PRIM2: variants seen among roughly 807,000 people sequenced by gnomAD.
The protein encoded by PRIM2 is DNA primase subunit 2, also known as DNA primase large subunit.
PRIM2 carries 39 observed loss-of-function variants against 67.3 expected under a neutral mutation model. The observed-to-expected ratio is 0.58, with a 90% CI of 0.45 to 0.76. PRIM2 has a LOEUF of 0.76. Ranked by LOEUF, PRIM2 falls within the 30% of genes least tolerant of loss-of-function variation. The pLI is 0.00. For synonymous variants in PRIM2, 143 were observed against 198.7 expected (o/e 0.72, Z 2.36); for missense variants, 398 against 598.7 (o/e 0.66, Z 3.50).
chr6:57,627,482 G>A (rs1396217417), intron 12 of PRIM2, among the ~76,000 whole-genome samples: 2 of 150,646 alleles, frequency 1.3e-5, no homozygotes, highest in East Asian at 2.0e-4. Flanking sequence ...TCCACATCCC[G>A]GGTTCAAGCG....
rs1773251466 is a variant in PRIM2, at chr6:57,468,237, C to T, written c.694-39150C>T. Among the ~76,000 whole-genome samples the T allele has an allele frequency of 3.3e-5, 5 of 152,314 alleles. No individual in the cohort carries two copies. In the East Asian group the frequency reaches 5.8e-4, roughly 18 times the overall value. On this transcript the variant is annotated intron_variant, in intron 7 of 13. Coordinates refer to ENST00000615550, the MANE Select transcript of PRIM2 (RefSeq NM_000947.5). Reference sequence around the variant, plus strand: ...TCAAAAGGAATGCTTCCAGTTTTTGCCCATTCCGTATGATATTGGCTGTGG... The same window carrying T: ...TCAAAAGGAATGCTTCCAGTTTTTGTCCATTCCGTATGATATTGGCTGTGG...
At chr6:57,532,637 A>T (rs1370411640) in intron 9 of PRIM2, among the ~76,000 whole-genome samples, 154 bp downstream of exon 9, 13 of 151,690 alleles carry the variant, frequency 8.6e-5, no homozygotes, top group Non-Finnish European at 1.5e-4. Flanking sequence ...AGATGATTTT[A>T]AAAAAAATCA....
chr6:57,444,769 A>G lies in PRIM2; in HGVS notation c.693+62601A>G, dbSNP rs1581910945. 3.3e-5 allele frequency among the ~76,000 whole-genome samples: 5 copies of G among 152,210 alleles called. 1 individual carries two copies. The highest frequency in any genetic ancestry group is 4.1e-4 in the South Asian group (2 of 4,826). ...TTATAAGAAGGAAAAGCTAAAATTA[A>G]TATTTCACAATTCTAATTGCTTTTG... is the stretch of plus-strand genomic sequence containing the variant. On this transcript the variant is annotated intron_variant, in intron 7 of 13. Coordinates refer to ENST00000615550, the MANE Select transcript of PRIM2 (RefSeq NM_000947.5).
chr6:57,642,632 G>T (rs1777263727), intron 13 of PRIM2, among the ~76,000 whole-genome samples: 2 of 151,222 alleles, frequency 1.3e-5, no homozygotes, highest in African/African-American at 4.9e-5. Flanking sequence ...TAGTAGAGAC[G>T]GGGTTTCACC....
At chr6:57,332,831 G>C (rs1452738505) in intron 5 of PRIM2, among the ~76,000 whole-genome samples, 1 of 151,942 alleles carries the variant, frequency 6.6e-6, no homozygotes, top group East Asian at 1.9e-4. Flanking sequence ...CATTTTGGAA[G>C]TCTCTGACTT....
the PRIM2 span, among the ~76,000 whole-genome samples, chr6:57,284,737 C>T: frequency 6.6e-6 from 1 of 152,106 alleles, no homozygotes; most frequent in Non-Finnish European, 1.5e-5. Flanking sequence ...CAAAATACAT[C>T]AGTGTTAAAC....
At chr6:57,299,717 T>C in the PRIM2 span, among the ~76,000 whole-genome samples, 1 of 152,312 alleles carries the variant, frequency 6.6e-6, no homozygotes, top group East Asian at 1.9e-4. Context: ...CATACTTGGA[T>C]ATAGAGAGGA....
chr6:57,351,529 A>G (rs1768856233), intron 5 of PRIM2, among the ~76,000 whole-genome samples: 1 of 152,210 alleles, frequency 6.6e-6, no homozygotes, highest in East Asian at 1.9e-4. Context: ...GATGTGGTAG[A>G]CATTATGGAA....
chr6:57,412,712 G>A (rs866226482), intron 7 of PRIM2, among the ~76,000 whole-genome samples: 15 of 151,942 alleles, frequency 9.9e-5, no homozygotes, highest in South Asian at 6.2e-4. Flanking sequence ...TTCTTGAAAA[G>A]TTTTAGACAA....
intron 11 of PRIM2, among the ~76,000 whole-genome samples, chr6:57,602,545 C>A (rs1776489529): frequency 6.6e-6 from 1 of 152,148 alleles, no homozygotes; most frequent in Admixed American, 6.5e-5. Context: ...AAGCCTGAAG[C>A]CTTTTTTAGC....
At chr6:57,367,967 A>G (rs1053289410) in intron 5 of PRIM2, among the ~76,000 whole-genome samples, 3 of 152,230 alleles carry the variant, frequency 2.0e-5, no homozygotes, top group African/African-American at 4.8e-5. Context: ...CTTTGCAGCC[A>G]TCTTTAATCC....
chr6:57,280,455 C>T, the PRIM2 span, among the ~76,000 whole-genome samples: 1 of 151,902 alleles, frequency 6.6e-6, no homozygotes, highest in Non-Finnish European at 1.5e-5. Context: ...AAAGACAATG[C>T]AGACAGTTCC....
intron 7 of PRIM2, among the ~76,000 whole-genome samples, chr6:57,391,131 T>C (rs889050198): frequency 2.7e-5 from 2 of 73,492 alleles, no homozygotes; most frequent in Non-Finnish European, 5.5e-5. Context: ...ATTTCTCTAA[T>C]GATCAATTGA....
At chr6:57,477,559 G>A (rs1482186039) in intron 7 of PRIM2, among the ~76,000 whole-genome samples, 1 of 152,090 alleles carries the variant, frequency 6.6e-6, no homozygotes, top group Non-Finnish European at 1.5e-5. Context: ...ATTTAAGTGA[G>A]CATTTATTTT....
At chr6:57,396,678 G>A (rs113177250) in intron 7 of PRIM2, among the ~76,000 whole-genome samples, 270 of 152,218 alleles carry the variant, frequency 1.8e-3, no homozygotes, top group Admixed American at 2.6e-3. Flanking sequence ...GTGAGGTACC[G>A]TTCCATTCAT....
chr6:57,553,796 T>C (rs1170660524), intron 10 of PRIM2, among the ~76,000 whole-genome samples: 2 of 152,332 alleles, frequency 1.3e-5, no homozygotes, highest in Non-Finnish European at 2.9e-5. Flanking sequence ...TTTGTCCTCC[T>C]TTTTTGCTTC....
chr6:57,308,691 AC>A, the PRIM2 span, among the ~76,000 whole-genome samples: 1 of 152,064 alleles, frequency 6.6e-6, no homozygotes, highest in Non-Finnish European at 1.5e-5. Flanking sequence ...AAACTTTGAA[AC>A]TTTTGTCCAT....
At chr6:57,226,032 C>T in the PRIM2 span, among the ~76,000 whole-genome samples, 7 of 152,170 alleles carry the variant, frequency 4.6e-5, no homozygotes, top group African/African-American at 1.4e-4. Flanking sequence ...AGTTACCCAC[C>T]TTACAAGGTC....
the PRIM2 span, among the ~76,000 whole-genome samples, chr6:57,301,123 C>T: frequency 8.5e-5 from 13 of 152,312 alleles, no homozygotes; most frequent in Admixed American, 7.8e-4. Context: ...TGTTGAAAGA[C>T]TGTTGTCAGT....
Sources: allele counts gnomAD v4.1 joint callset (sites outside exome capture counted in the v4.1 genomes callset), GRCh38; gene constraint gnomAD v4.1.1; transcripts MANE v1.5; gene names NCBI Gene and HGNC (gene_info 2026-07-23, HGNC 2026-07-21).